TEC: variants seen among roughly 807,000 people sequenced by gnomAD.
TEC encodes tyrosine-protein kinase Tec.
A neutral mutation model predicts 93.0 loss-of-function variants in TEC; 72 were observed. The observed-to-expected ratio is 0.77, with a 90% CI of 0.64 to 0.94. TEC has a LOEUF of 0.94. TEC is among the 40% of genes least tolerant of loss of function. TEC has a pLI of 0.00. For synonymous variants in TEC, 249 were observed against 247.7 expected (o/e 1.01, Z -0.05); for missense variants, 630 against 757.9 (o/e 0.83, Z 1.98).
intron 12 of TEC, among the ~76,000 whole-genome samples, chr4:48,146,104 C>A (rs1719895510): frequency 6.6e-6 from 1 of 152,138 alleles, no homozygotes; most frequent in African/African-American, 2.4e-5. Flanking sequence ...CATGATAATG[C>A]TTATTTTTCA....
intron 11 of TEC, among the ~76,000 whole-genome samples, chr4:48,147,908 A>G (rs1037696815): frequency 1.5e-4 from 23 of 152,208 alleles, no homozygotes; most frequent in African/African-American, 5.5e-4. Flanking sequence ...ATGTTTTTAA[A>G]AAAGGGAATG....
rs569192849 is a variant in TEC at position 48,233,103 on chromosome 4, G to A, written c.-45-4444C>T. 3.3e-5 allele frequency among the ~76,000 whole-genome samples: 5 copies of A among 152,240 alleles called. No homozygotes were observed. In the South Asian group the frequency reaches 1.0e-3, roughly 32 times the overall value. On this transcript the variant is annotated intron_variant, in intron 1 of 17. Coordinates refer to ENST00000381501, the MANE Select transcript of TEC (RefSeq NM_003215.3). ...AGAGACTAAGTGCAGCTGCAGCTGG[G>A]AATACCACACTGAAAAGGAGGAGCT...
chr4:48,266,324 A>T (rs1724637119), intron 1 of TEC, among the ~76,000 whole-genome samples: 1 of 152,186 alleles, frequency 6.6e-6, no homozygotes, highest in Non-Finnish European at 1.5e-5. Context: ...CAGAATGATG[A>T]CAAAGGGAAC....
chr4:48,170,385 C>G lies in TEC; in HGVS notation c.326-9G>C. On this transcript the variant is annotated splice_polypyrimidine_tract_variant and intron_variant, in intron 4 of 17. Transcript: ENST00000381501. ...ATTGTTGTTCTTTATTTCTGTAATT[C>G]ACAGATATAGTAATTAATAGTGAAA... The G allele has an allele frequency of 7.5e-7, 1 of 1,337,296 alleles. No individual in the cohort carries two copies. Among genetic ancestry groups the G allele is most frequent in the Middle Eastern group, 2.2e-4 (1 of 4,556 alleles). The allele number at this position is 1,337,296 out of a possible 1,614,324, so 82.8% of individuals were successfully genotyped here.
intron 1 of TEC, among the ~76,000 whole-genome samples, chr4:48,258,168 A>ATTTTTTATTTTTT (rs1724395329): frequency 7.1e-6 from 1 of 139,996 alleles, no homozygotes; most frequent in Non-Finnish European, 1.5e-5. Context: ...TTGAGAAGGA[A>ATTTTTTATTTTTT]TCTCACTCTG....
chr4:48,201,876 T>C (rs2109597396), intron 2 of TEC, among the ~76,000 whole-genome samples: 1 of 151,464 alleles, frequency 6.6e-6, no homozygotes, highest in Non-Finnish European at 1.5e-5. Context: ...GCCCAGTCAG[T>C]GGTTCCTCAG....
intron 3 of TEC, among the ~76,000 whole-genome samples, chr4:48,173,302 C>G (rs6814614): frequency 0.36 from 54,010 of 152,010 alleles, 10,425 homozygotes; most frequent in Non-Finnish European, 0.43. Context: ...CCGCCTCCCC[C>G]CACCAAAAAA....
At chr4:48,248,853 T>G (rs1724127756) in intron 1 of TEC, among the ~76,000 whole-genome samples, 1 of 137,990 alleles carries the variant, frequency 7.2e-6, no homozygotes, top group Non-Finnish European at 1.5e-5. Context: ...TTCTCTCTCT[T>G]TGTCTCCTCT....
chr4:48,205,049 A>G (rs1453667799), intron 2 of TEC, among the ~76,000 whole-genome samples: 1 of 152,232 alleles, frequency 6.6e-6, no homozygotes, highest in African/African-American at 2.4e-5. Context: ...GACACTTATT[A>G]GTTGCAAATC....
intron 11 of TEC, among the ~76,000 whole-genome samples, chr4:48,149,062 T>A (rs1247879890): frequency 6.6e-6 from 1 of 152,230 alleles, no homozygotes; most frequent in Non-Finnish European, 1.5e-5. Context: ...ATTTTCTTTA[T>A]CCTGTCTATC....
intron 1 of TEC, among the ~76,000 whole-genome samples, chr4:48,253,728 C>T (rs1265345702): frequency 6.6e-6 from 1 of 152,054 alleles, no homozygotes; most frequent in African/African-American, 2.4e-5. Flanking sequence ...GCATGCACCA[C>T]CATGCCCAGC....
intron 2 of TEC, among the ~76,000 whole-genome samples, chr4:48,207,311 G>C (rs745748090): frequency 5.3e-5 from 8 of 152,160 alleles, no homozygotes; most frequent in Non-Finnish European, 1.0e-4. Context: ...TATCTGGCAG[G>C]CATCAGGTGC....
intron 2 of TEC, among the ~76,000 whole-genome samples, chr4:48,176,581 G>A (rs1721336050): frequency 6.6e-6 from 1 of 152,104 alleles, no homozygotes; most frequent in Non-Finnish European, 1.5e-5. Context: ...AATTAGCCAG[G>A]TGTGGTGCTG....
chr4:48,212,136 T>C (rs2109613364), intron 2 of TEC, among the ~76,000 whole-genome samples: 1 of 147,250 alleles, frequency 6.8e-6, no homozygotes, highest in East Asian at 2.0e-4. Context: ...TATATATGTA[T>C]ATAAAAGCAT....
chr4:48,225,206 C>T (rs943978426), intron 2 of TEC, among the ~76,000 whole-genome samples: 3 of 151,864 alleles, frequency 2.0e-5, no homozygotes, highest in African/African-American at 4.8e-5. Flanking sequence ...GATGGAGTCT[C>T]GCTCTGTTAC....
intron 2 of TEC, among the ~76,000 whole-genome samples, chr4:48,213,107 C>T (rs893684709): frequency 6.6e-6 from 1 of 152,056 alleles, no homozygotes; most frequent in African/African-American, 2.4e-5. Context: ...CTTTCGTAGT[C>T]GCAAATAAAA....
At chr4:48,262,155 A>G (rs1199216368) in intron 1 of TEC, among the ~76,000 whole-genome samples, 1 of 150,864 alleles carries the variant, frequency 6.6e-6, no homozygotes, top group East Asian at 2.0e-4. Flanking sequence ...GAATTTAGAG[A>G]ATTTAGATTG....
At chr4:48,241,786 G>A (rs990828897) in intron 1 of TEC, among the ~76,000 whole-genome samples, 3 of 151,856 alleles carry the variant, frequency 2.0e-5, no homozygotes, top group Non-Finnish European at 2.9e-5. Flanking sequence ...TCTTATCCTC[G>A]TCAATTTTCT....
chr4:48,145,419 A>G lies in TEC; in HGVS notation c.1242T>C (p.Ala414=), dbSNP rs766068079. Residue 414 remains alanine, a synonymous_variant, in exon 13 of 18, where the codon GCT becomes GCC. Coordinates refer to ENST00000381501, the MANE Select transcript of TEC (RefSeq NM_003215.3). ...AMCEEDFIEE[A]KVMMKLTHPK... is the part of the protein sequence containing the mutation. ...TGATAGCAACTTACATCATCACTTT[A>G]GCTTCTTCTATAAAGTCCTCCTCGC... The G allele has an allele frequency of 1.9e-6, 3 of 1,614,172 alleles. No homozygotes were observed. The highest frequency in any genetic ancestry group is 4.5e-5 in the East Asian group (2 of 44,878).
Sources: allele counts gnomAD v4.1 joint callset (sites outside exome capture counted in the v4.1 genomes callset), GRCh38; gene constraint gnomAD v4.1.1; transcripts MANE v1.5; gene names NCBI Gene and HGNC (gene_info 2026-07-23, HGNC 2026-07-21).